HERC1: variants seen among roughly 807,000 people sequenced by gnomAD.
The protein encoded by HERC1 is probable E3 ubiquitin-protein ligase HERC1.
Under a neutral mutation model 554.3 loss-of-function variants are expected in HERC1, and 160 were observed. The observed-to-expected ratio is 0.29, with a 90% CI of 0.25 to 0.33. HERC1 has a LOEUF of 0.33. Among genes scored for constraint, HERC1 ranks in the 10% least tolerant of loss-of-function variants. The probability of loss-of-function intolerance (pLI) is 1.00; values close to 1 mark genes in which losing one functional copy is unlikely to be tolerated. For synonymous variants in HERC1, 2,175 were observed against 2,131.7 expected, an observed-to-expected ratio of 1.02 and a Z score of -0.56; for missense variants, 4,919 against 5,918.5, an observed-to-expected ratio of 0.83 and a Z score of 5.54.
At chr15:63,696,905 T>C (rs2072448134) in intron 26 of HERC1, among the ~76,000 whole-genome samples, 1 of 150,890 alleles carries the variant, frequency 6.6e-6, no homozygotes, top group Non-Finnish European at 1.5e-5. Context: ...TCCCCATCAC[T>C]GTAGTTGATC....
At chr15:63,792,106 C>A (rs1292627902) in intron 1 of HERC1, among the ~76,000 whole-genome samples, 1 of 152,130 alleles carries the variant, frequency 6.6e-6, no homozygotes, top group Admixed American at 6.5e-5. Flanking sequence ...TATTCTCCAA[C>A]CTTAATGTCT....
chr15:63,628,575 T>A, intron 70 of HERC1, 102 bp downstream of exon 70: 1 of 1,252,478 alleles, frequency 8.0e-7, no homozygotes, highest in Non-Finnish European at 1.1e-6. Flanking sequence ...CTTGATGGTT[T>A]CACAACGATG....
chr15:63,717,861 G>C (rs527753095), intron 21 of HERC1, among the ~76,000 whole-genome samples: 29 of 152,212 alleles, frequency 1.9e-4, no homozygotes, highest in African/African-American at 4.6e-4. Context: ...GACAGAGCGA[G>C]ACTGTCTCAA....
intron 24 of HERC1, among the ~76,000 whole-genome samples, chr15:63,711,447 T>C (rs756806298): frequency 3.9e-5 from 6 of 152,026 alleles, no homozygotes; most frequent in Non-Finnish European, 8.8e-5. Context: ...GAGTATGAAG[T>C]GGAAGCACAG....
intron 26 of HERC1, among the ~76,000 whole-genome samples, chr15:63,698,248 TC>T (rs1365864957): frequency 6.6e-5 from 10 of 151,976 alleles, no homozygotes; most frequent in Non-Finnish European, 1.2e-4. Flanking sequence ...AAACTTTGTC[TC>T]TCCTAATAAT....
In HERC1 at chr15:63,734,980, ATGCAAGTCC is replaced by A; in HGVS notation, c.2521-140_2521-132del. ...AAGATGGCATGATAAAAAAGAAAGC[ATGCAAGTCC>A]TCCTTCAGATGTCTTTAAGAAGACT... On this transcript the variant is annotated intron_variant, in intron 12 of 77. Transcript: ENST00000443617. This position sits in a 1 kb window ranked among gnomAD's most constrained non-coding sequence, Gnocchi z 4.6. 1 of 724,900 alleles carries A rather than the reference ATGCAAGTCC, an allele frequency of 1.4e-6. No individual in the cohort carries two copies. The highest frequency in any genetic ancestry group is 3.3e-5 in the Admixed American group (1 of 30,476). 44.9% of individuals were successfully genotyped at this position (724,900 alleles called of 1,614,324 possible).
intron 45 of HERC1, 84 bp downstream of exon 45, chr15:63,661,669 C>T: frequency 7.1e-7 from 1 of 1,406,218 alleles, no homozygotes; most frequent in Non-Finnish European, 9.9e-7. Flanking sequence ...AATGTAACTC[C>T]TCACGTGAAA....
chr15:63,766,187 CAT>C (rs1247793338), intron 2 of HERC1, among the ~76,000 whole-genome samples: 3 of 151,444 alleles, frequency 2.0e-5, no homozygotes, highest in African/African-American at 4.8e-5. Context: ...TTAATATAAT[CAT>C]AGAGGTCAAA....
At chr15:63,710,396 G>A (rs368673285) in intron 24 of HERC1, among the ~76,000 whole-genome samples, 60 of 152,228 alleles carry the variant, frequency 3.9e-4, no homozygotes, top group African/African-American at 1.3e-3. Context: ...TTCAATTAAA[G>A]AAAGGAAAAA....
chr15:63,708,174 G>A (rs1036661785), intron 24 of HERC1, among the ~76,000 whole-genome samples: 1 of 152,034 alleles, frequency 6.6e-6, no homozygotes, highest in Admixed American at 6.6e-5. Flanking sequence ...CACTGTGTCA[G>A]GCAATAAAAC....
chr15:63,768,850 G>A (rs777477436), intron 2 of HERC1, among the ~76,000 whole-genome samples: 8 of 152,158 alleles, frequency 5.3e-5, no homozygotes, highest in Non-Finnish European at 1.2e-4. Flanking sequence ...CTGAAATTAT[G>A]TGTAAAACAT....
intron 3 of HERC1, among the ~76,000 whole-genome samples, chr15:63,761,430 T>TA (rs1418428656): frequency 1.3e-5 from 2 of 151,582 alleles, no homozygotes; most frequent in Non-Finnish European, 2.9e-5. Context: ...AAAATAAAAA[T>TA]AAAAAAATTA....
At chr15:63,652,045 AAAAAC>A (rs1566974590) in intron 52 of HERC1, among the ~76,000 whole-genome samples, 1 of 151,990 alleles carries the variant, frequency 6.6e-6, no homozygotes, top group East Asian at 1.9e-4. Context: ...CAAAAAAGAA[AAAAAC>A]AAAACAAAAC....
chr15:63,774,536 C>A (rs1194466486), intron 2 of HERC1, among the ~76,000 whole-genome samples, 158 bp downstream of exon 2: 1 of 152,158 alleles, frequency 6.6e-6, no homozygotes, highest in African/African-American at 2.4e-5. Context: ...TATCAACATG[C>A]ATAAAAGTTT....
intron 43 of HERC1, among the ~76,000 whole-genome samples, chr15:63,663,618 C>T (rs573939889): frequency 6.6e-6 from 1 of 152,292 alleles, no homozygotes; most frequent in South Asian, 2.1e-4. Context: ...CCATACCCAG[C>T]TAACCGTTTT....
intron 1 of HERC1, among the ~76,000 whole-genome samples, chr15:63,817,436 C>T (rs1049644903): frequency 1.1e-4 from 17 of 152,122 alleles, no homozygotes; most frequent in African/African-American, 3.9e-4. Context: ...ATCCAGAGGC[C>T]GGGTGTGGTC....
intron 39 of HERC1, among the ~76,000 whole-genome samples, chr15:63,671,370 T>C (rs1293623109): frequency 7.2e-6 from 1 of 138,780 alleles, no homozygotes; most frequent in Non-Finnish European, 1.6e-5. Context: ...AGCAGCTGTC[T>C]CTTAAAAAAA....
chr15:63,823,197 CTG>C (rs1355239616), intron 1 of HERC1, among the ~76,000 whole-genome samples: 1 of 152,140 alleles, frequency 6.6e-6, no homozygotes, highest in East Asian at 1.9e-4. Context: ...TTGCTCCCCT[CTG>C]TGTGTCCATG....
At chr15:63,781,608 A>G (rs900283361) in intron 1 of HERC1, among the ~76,000 whole-genome samples, 1 of 152,136 alleles carries the variant, frequency 6.6e-6, no homozygotes, top group Non-Finnish European at 1.5e-5. Flanking sequence ...GGGACTCCCT[A>G]TTGCCTAAGA....
Sources: allele counts gnomAD v4.1 joint callset (sites outside exome capture counted in the v4.1 genomes callset), GRCh38; gene constraint gnomAD v4.1.1; non-coding constraint Gnocchi (gnomAD v3.1); transcripts MANE v1.5; gene names NCBI Gene and HGNC (gene_info 2026-07-23, HGNC 2026-07-21).